CENPF: variants seen among roughly 807,000 people sequenced by gnomAD.
CENPF encodes centromere protein F.
CENPF carries 214 observed loss-of-function variants against 307.3 expected under a neutral mutation model. That is an observed-to-expected ratio of 0.70 (90% CI 0.62 to 0.78). CENPF has a LOEUF of 0.78. CENPF is among the 30% of genes least tolerant of loss of function. CENPF has a pLI of 0.00. For missense variants in CENPF, 3,401 were observed against 3,483.9 expected (o/e 0.98, Z 0.60); for synonymous variants, 1,259 against 1,270.6 (o/e 0.99, Z 0.19).
chr1:214,618,024 C>T (rs1356126261), intron 3 of CENPF, among the ~76,000 whole-genome samples: 1 of 152,200 alleles, frequency 6.6e-6, no homozygotes, highest in Non-Finnish European at 1.5e-5. Context: ...AACTTACAAT[C>T]ATAGCGGAAG....
At chr1:214,624,531 TTATGTA>T (rs1657600583) in intron 7 of CENPF, among the ~76,000 whole-genome samples, 1 of 152,200 alleles carries the variant, frequency 6.6e-6, no homozygotes, top group Non-Finnish European at 1.5e-5. Context: ...GTTGTCAACT[TTATGTA>T]TATAGAGTTA....
chr1:214,637,818 T>TA (rs1658002761), intron 10 of CENPF, 48 bp from the exon 11 acceptor site: 1 of 1,577,514 alleles, frequency 6.3e-7, no homozygotes, highest in Admixed American at 2.0e-5. Context: ...AGTCATAACT[T>TA]ACTTGAGCAT....
chr1:214,622,738 GA>G (rs1195144577), intron 7 of CENPF, among the ~76,000 whole-genome samples: 5 of 133,984 alleles, frequency 3.7e-5, no homozygotes, highest in African/African-American at 1.7e-4. Context: ...TATTTAGGGG[GA>G]AAAAAGATCG....
chr1:214,641,680 G>GACC lies in CENPF; in HGVS notation c.3344_3345insCAC (p.Thr1115dup), dbSNP rs1367970096. 1 of 1,581,002 alleles carries GACC rather than the reference G, an allele frequency of 6.3e-7. No homozygotes were observed. The stretch of plus-strand genomic sequence containing the variant: ...TGCAGCAAGCTCTGAGATCTGAGAT[G>GACC]ACAGATAACCAAAACAATTCTAAGA... On this transcript the variant is annotated inframe_insertion, in exon 12 of 20. Coordinates refer to ENST00000366955, the MANE Select transcript of CENPF (RefSeq NM_016343.4).
chr1:214,658,337 G>A lies in CENPF; in HGVS notation c.8963-513G>A, dbSNP rs571659552. Among the ~76,000 whole-genome samples the A allele has an allele frequency of 5.3e-5, 8 of 152,228 alleles. No individual in the cohort carries two copies. The South Asian group carries it at 1.7e-3, about 32-fold the overall frequency. On this transcript the variant is annotated intron_variant, in intron 18 of 19. Transcript: ENST00000366955. Reference sequence around the variant, plus strand: ...TTCCTTCTGTGGAAAGAGACAACGTGAGTGAGTGTGAAATCACCTTTAGAA... The same window carrying A: ...TTCCTTCTGTGGAAAGAGACAACGTAAGTGAGTGTGAAATCACCTTTAGAA...
At chr1:214,627,292 C>T (rs1001140098) in intron 7 of CENPF, among the ~76,000 whole-genome samples, 6 of 151,284 alleles carry the variant, frequency 4.0e-5, no homozygotes, top group South Asian at 2.1e-4. Flanking sequence ...CTCCTAGGCT[C>T]GAGCAGTTTG....
chr1:214,620,603 CCTTGAGT>C, intron 5 of CENPF, 45 bp from the exon 6 acceptor site: 1 of 1,514,772 alleles, frequency 6.6e-7, no homozygotes, highest in Non-Finnish European at 8.9e-7. Flanking sequence ...AAATAAATAG[CCTTGAGT>C]ATATAAGATC....
intron 13 of CENPF, 96 bp downstream of exon 13, chr1:214,647,496 C>A: frequency 7.3e-7 from 1 of 1,367,198 alleles, no homozygotes; most frequent in East Asian, 2.5e-5. Context: ...ACTTCTAGAC[C>A]GTGTCTGCTA....
intron 1 of CENPF, chr1:214,608,386 G>C (rs1007470306): frequency 1.3e-4 from 212 of 1,613,232 alleles, no homozygotes; most frequent in Admixed American, 6.2e-4. Context: ...ACCCGAGCTG[G>C]CACCGTAGCC....
chr1:214,653,878 G>A (rs1434722059), intron 16 of CENPF: 6 of 152,214 alleles, frequency 3.9e-5, no homozygotes, highest in Non-Finnish European at 8.8e-5. Flanking sequence ...AAGTAGCACT[G>A]TTGAAATAGA....
At chr1:214,625,960 G>A (rs1657644488) in intron 7 of CENPF, among the ~76,000 whole-genome samples, 1 of 152,050 alleles carries the variant, frequency 6.6e-6, no homozygotes, top group Non-Finnish European at 1.5e-5. Context: ...AAAAAGCTGA[G>A]GAAGAGAAGG....
rs1379809421 is a variant in CENPF, at chr1:214,645,028, A to G, written c.5458A>G (p.Thr1820Ala). Residue 1820 changes from threonine (T) to alanine (A), a missense_variant, in exon 13 of 20, where the codon ACC (threonine) becomes GCC (alanine). Coordinates refer to ENST00000366955, the MANE Select transcript of CENPF (RefSeq NM_016343.4). ...CCATTTACAGGAGGTACAACTAATGACCAAAATTGAAGCATGCATAGAATT... is the reference window on the plus strand; with the variant it reads ...CCATTTACAGGAGGTACAACTAATGGCCAAAATTGAAGCATGCATAGAATT... Reference protein sequence around the residue: ...KLHLQEVQLMTKIEACIELEK... With the variant: ...KLHLQEVQLMAKIEACIELEK... 6.2e-7 allele frequency: 1 copy of G among 1,613,710 alleles called. No homozygotes were observed. The highest frequency in any genetic ancestry group is 8.5e-7 in the Non-Finnish European group (1 of 1,179,970).
rs1658725642 is a variant in CENPF, at chr1:214,659,132, A to G, written c.9141+104A>G. Reference sequence around the variant, plus strand: ...ACCCCCGATTCAGGAGCGCTTTCAAAAAGTCTGACCTTCTTGGTGTGGTGT... The same window carrying G: ...ACCCCCGATTCAGGAGCGCTTTCAAGAAGTCTGACCTTCTTGGTGTGGTGT... On this transcript the variant is annotated intron_variant, in intron 19 of 19. Transcript: ENST00000366955. The surrounding 1 kb of genome is among the most constrained non-coding windows in gnomAD (Gnocchi z 4.4). 8.1e-7 allele frequency: 1 copy of G among 1,228,660 alleles called. No individual in the cohort carries two copies. Among genetic ancestry groups the G allele is most frequent in the African/African-American group, 1.5e-5 (1 of 66,816 alleles). The allele number at this position is 1,228,660 out of a possible 1,614,324, so 76.1% of individuals were successfully genotyped here. A position where few individuals can be genotyped will look rare whatever the true frequency, so the allele number is the denominator to read the frequency against.
rs749098166 is a variant in CENPF at position 214,646,576 on chromosome 1, G to C, written c.7006G>C (p.Gly2336Arg). The C allele has an allele frequency of 8.1e-6, 13 of 1,613,940 alleles. No homozygotes were observed. Among genetic ancestry groups the C allele is most frequent in the Non-Finnish European group, 1.1e-5 (13 of 1,180,008 alleles). Residue 2336 changes from glycine (G) to arginine (R), a missense_variant, in exon 13 of 20, where the codon GGT becomes CGT. Transcript: ENST00000366955. ...ESEHHADLLK[G>R]RVENLERELE... ...TGAGCATCATGCAGATTTACTTAAG[G>C]GTAGAGTGGAGAACCTTGAAAGAGA...
chr1:214,628,854 C>T (rs1657728022), intron 7 of CENPF, among the ~76,000 whole-genome samples, 192 bp from the exon 8 acceptor site: 1 of 152,158 alleles, frequency 6.6e-6, no homozygotes, highest in Non-Finnish European at 1.5e-5. Context: ...GTTAGACATG[C>T]CGATCTTTTT....
intron 1 of CENPF, among the ~76,000 whole-genome samples, chr1:214,609,418 C>T (rs1229119221): frequency 6.6e-6 from 1 of 151,990 alleles, no homozygotes; most frequent in Non-Finnish European, 1.5e-5. Context: ...AAACTATGGC[C>T]GGGTCAGGGA....
At position 214,659,899 on chromosome 1, in the gene CENPF, G is replaced by A. The variant is rs1359594250; in HGVS notation, c.9141+871G>A. Among the ~76,000 whole-genome samples, 2 of 152,110 alleles carry A rather than the reference G, an allele frequency of 1.3e-5. No homozygotes were observed. The highest frequency in any genetic ancestry group is 4.8e-5 in the African/African-American group (2 of 41,414). On this transcript the variant is annotated intron_variant, in intron 19 of 19. Transcript: ENST00000366955. This position sits in a 1 kb window ranked among gnomAD's most constrained non-coding sequence, Gnocchi z 4.4. The stretch of plus-strand genomic sequence containing the variant: ...TAGCTTCAAAGAGTTTGAACAGTCT[G>A]TGATTTTACCTTGATTGCTCACTTG...
rs755012909 is a variant in CENPF, at chr1:214,613,740, A to G, written c.-15A>G. ...TTATTTACAAATGTTGGAGTAATAA[A>G]GAAGGCAGAACAAAATGAGCTGGGC... On this transcript the variant is annotated 5_prime_UTR_variant, in exon 2 of 20. Coordinates refer to ENST00000366955, the MANE Select transcript of CENPF (RefSeq NM_016343.4). 1 of 1,580,232 alleles carries G rather than the reference A, an allele frequency of 6.3e-7. No individual in the cohort carries two copies. Among genetic ancestry groups the G allele is most frequent in the South Asian group, 1.2e-5 (1 of 85,538 alleles).
intron 13 of CENPF, 26 bp downstream of exon 13, chr1:214,647,426 T>A: frequency 1.3e-6 from 2 of 1,573,708 alleles, no homozygotes; most frequent in Non-Finnish European, 1.7e-6. Flanking sequence ...TGTTTATGTT[T>A]AAATATGTAG....
Sources: gnomAD v4.1 joint callset for allele counts (sites outside exome capture counted in the v4.1 genomes callset) on GRCh38, gnomAD v4.1.1 for gene constraint, Gnocchi (gnomAD v3.1) non-coding constraint, MANE v1.5 for transcripts, NCBI Gene and HGNC (gene_info 2026-07-23, HGNC 2026-07-21) for gene names.